The following OR2L13 variants were observed in gnomAD, a reference collection of about 807,000 sequenced individuals.
OR2L13 encodes the protein olfactory receptor 2L13.
OR2L13 carries 14 observed loss-of-function variants against 15.3 expected under a neutral mutation model. The observed-to-expected ratio is 0.91, with a 90% CI of 0.60 to 1.43. The LOEUF (loss-of-function observed/expected upper bound fraction) is 1.43, where lower values mean the gene tolerates loss of function less well. Ranked by LOEUF, OR2L13 falls within the 40% of genes most tolerant of loss-of-function variation. OR2L13 has a pLI of 0.00. For missense variants in OR2L13, 367 were observed against 387.9 expected (o/e 0.95, Z 0.45); for synonymous variants, 152 against 142.9 (o/e 1.06, Z -0.45).
chr1:248,043,870 G>A, the OR2L13 span, among the ~76,000 whole-genome samples: 20 of 152,088 alleles, frequency 1.3e-4, no homozygotes, highest in Non-Finnish European at 2.4e-4. Flanking sequence ...ACTAGGGTTT[G>A]TGATAAAGGA....
chr1:247,952,223 C>T, the OR2L13 span, among the ~76,000 whole-genome samples: 25 of 152,222 alleles, frequency 1.6e-4, no homozygotes, highest in East Asian at 4.1e-3. Flanking sequence ...TGCATATGCC[C>T]GTGAGGCCAG....
At chr1:248,013,231 A>G in the OR2L13 span, among the ~76,000 whole-genome samples, 1 of 152,194 alleles carries the variant, frequency 6.6e-6, no homozygotes, top group Non-Finnish European at 1.5e-5. Flanking sequence ...AAAGAAATTA[A>G]TATATACAGA....
the OR2L13 span, chr1:247,965,632 C>T: frequency 9.7e-6 from 15 of 1,552,022 alleles, no homozygotes; most frequent in African/African-American, 1.4e-4. Flanking sequence ...AGTCAGCTTC[C>T]TCTCACAGAG....
chr1:248,068,709 G>A, the OR2L13 span, among the ~76,000 whole-genome samples: 2 of 152,102 alleles, frequency 1.3e-5, no homozygotes, highest in Non-Finnish European at 2.9e-5. Context: ...CAAGGGCAAA[G>A]AAGTTAAAAA....
the OR2L13 span, among the ~76,000 whole-genome samples, chr1:247,955,602 C>A: frequency 2.0e-5 from 3 of 150,366 alleles, no homozygotes; most frequent in Non-Finnish European, 3.0e-5. Flanking sequence ...ACATCCTCTC[C>A]AGCACCTGTT....
the OR2L13 span, among the ~76,000 whole-genome samples, chr1:247,963,115 A>G: frequency 6.6e-6 from 1 of 152,180 alleles, no homozygotes; most frequent in Admixed American, 6.5e-5. Flanking sequence ...TGAAAAGTCA[A>G]GGAATAAAAA....
the OR2L13 span, among the ~76,000 whole-genome samples, chr1:248,034,972 C>T: frequency 6.6e-6 from 1 of 151,462 alleles, no homozygotes; most frequent in Non-Finnish European, 1.5e-5. Flanking sequence ...AGGTTTTCTA[C>T]ACATATAGTT....
the OR2L13 span, among the ~76,000 whole-genome samples, chr1:247,942,969 T>C: frequency 6.6e-6 from 1 of 151,746 alleles, no homozygotes; most frequent in Non-Finnish European, 1.5e-5. Context: ...GGCGAATTCA[T>C]ACAATATTTG....
At chr1:248,068,061 GGGGCA>G in the OR2L13 span, among the ~76,000 whole-genome samples, 4 of 151,478 alleles carry the variant, frequency 2.6e-5, no homozygotes, top group Non-Finnish European at 5.9e-5. Flanking sequence ...TCCACCTCTG[GGGGCA>G]GGGCACAGAC....
the OR2L13 span, among the ~76,000 whole-genome samples, chr1:248,051,712 A>T: frequency 9.2e-5 from 14 of 152,068 alleles, no homozygotes; most frequent in Non-Finnish European, 1.9e-4. Flanking sequence ...ACAAACCACG[A>T]TTGTACTCCC....
chr1:248,063,715 C>T, the OR2L13 span, among the ~76,000 whole-genome samples: 1 of 152,174 alleles, frequency 6.6e-6, no homozygotes, highest in Non-Finnish European at 1.5e-5. Flanking sequence ...CTTCTGTCAT[C>T]ACCACCAATC....
the OR2L13 span, among the ~76,000 whole-genome samples, chr1:248,068,769 T>A: frequency 0.022 from 3,404 of 151,894 alleles, 51 homozygotes; most frequent in African/African-American, 0.028. Context: ...CAATACAGAG[T>A]AGTCCTTAAA....
chr1:247,963,159 C>T, the OR2L13 span, among the ~76,000 whole-genome samples: 1 of 152,278 alleles, frequency 6.6e-6, no homozygotes, highest in East Asian at 1.9e-4. Context: ...GCAGCATGAG[C>T]TTACCACATA....
At chr1:248,101,074 A>T (rs1311617099) in exon 3 of OR2L13, 1 of 152,180 alleles carries the variant, frequency 6.6e-6, no homozygotes, top group Non-Finnish European at 1.5e-5. Flanking sequence ...TCATAAAGAT[A>T]CTGAGATAAA....
chr1:247,969,108 T>C, the OR2L13 span, among the ~76,000 whole-genome samples: 1 of 152,240 alleles, frequency 6.6e-6, no homozygotes, highest in Non-Finnish European at 1.5e-5. Context: ...ATGATGAGCA[T>C]TTTTTCATGT....
chr1:248,024,031 T>A, the OR2L13 span: 1 of 152,094 alleles, frequency 6.6e-6, no homozygotes, highest in Non-Finnish European at 1.5e-5. Context: ...TTTTATTTGT[T>A]ATTAATTTTA....
the OR2L13 span, chr1:247,949,040 A>G: frequency 2.5e-6 from 4 of 1,613,862 alleles, no homozygotes; most frequent in Admixed American, 1.7e-5. Context: ...TGTATTTCCT[A>G]CTGAGTCAGC....
chr1:248,041,904 T>G, the OR2L13 span: 45,996 of 151,998 alleles, frequency 0.3, 11,192 homozygotes, highest in African/African-American at 0.68. Context: ...TACACTGTTG[T>G]TGGGACTGTA....
the OR2L13 span, among the ~76,000 whole-genome samples, chr1:247,951,102 C>T: frequency 2.6e-5 from 4 of 152,056 alleles, no homozygotes; most frequent in African/African-American, 9.7e-5. Flanking sequence ...GCTAGAGATA[C>T]GTGGATTTAT....
Sources: allele counts gnomAD v4.1 joint callset (sites outside exome capture counted in the v4.1 genomes callset), GRCh38; gene constraint gnomAD v4.1.1; transcripts MANE v1.5; gene names NCBI Gene and HGNC (gene_info 2026-07-23, HGNC 2026-07-21).